Variants in DGKD observed in about 807,000 individuals in gnomAD.
DGKD encodes diacylglycerol kinase delta, also known as DAG kinase delta.
Under a neutral mutation model 154.4 loss-of-function variants are expected in DGKD, and 68 were observed. The observed-to-expected ratio is 0.44, with a 90% CI of 0.36 to 0.54. The LOEUF (loss-of-function observed/expected upper bound fraction) is 0.54. Among genes scored for constraint, DGKD ranks in the 20% least tolerant of loss-of-function variants. The pLI, the probability that DGKD is intolerant of heterozygous loss-of-function variation, is 0.00. For missense variants in DGKD, 1,343 were observed against 1,593.6 expected, an observed-to-expected ratio of 0.84 and a Z score of 2.68; for synonymous variants, 693 against 638.0, an observed-to-expected ratio of 1.09 and a Z score of -1.30.
intron 3 of DGKD, among the ~76,000 whole-genome samples, chr2:233,394,936 C>T (rs965399369): frequency 6.6e-6 from 1 of 151,880 alleles, no homozygotes; most frequent in African/African-American, 2.4e-5. Context: ...TAACTTCTGG[C>T]CCCAAGTGAT....
intron 10 of DGKD, 65 bp downstream of exon 10, chr2:233,442,060 C>G: frequency 7.5e-7 from 1 of 1,337,642 alleles, no homozygotes; most frequent in Non-Finnish European, 1.1e-6. Flanking sequence ...GGAAATCATG[C>G]AGTCTCAGCT....
intron 1 of DGKD, among the ~76,000 whole-genome samples, chr2:233,369,474 G>A (rs777917903): frequency 3.9e-5 from 6 of 152,146 alleles, no homozygotes; most frequent in African/African-American, 7.2e-5. Flanking sequence ...TAAAGGCCAC[G>A]TCTTCCTGCA....
Position 233,354,990 on chromosome 2 carries a change from C to G in DGKD, c.156+316C>G, listed in dbSNP as rs1701474601. On this transcript the variant is annotated intron_variant, in intron 1 of 29. Transcript: ENST00000264057. The surrounding 1 kb of genome is among the most constrained non-coding windows in gnomAD (Gnocchi z 4.8). ...GCGAGGACCCGGAGGAAACTGAGGCCTAGATGCAGGGGACTGCGCTCGTGC... is the reference window on the plus strand; with the variant it reads ...GCGAGGACCCGGAGGAAACTGAGGCGTAGATGCAGGGGACTGCGCTCGTGC... 6.6e-6 allele frequency among the ~76,000 whole-genome samples: 1 copy of G among 151,358 alleles called. No homozygotes were observed. Among genetic ancestry groups the G allele is most frequent in the South Asian group, 2.1e-4 (1 of 4,822 alleles).
At chr2:233,403,177 A>G (rs2061599478) in intron 3 of DGKD, among the ~76,000 whole-genome samples, 1 of 152,228 alleles carries the variant, frequency 6.6e-6, no homozygotes, top group South Asian at 2.1e-4. Context: ...CCTGCTTTCC[A>G]GGTACAAGTC....
At chr2:233,387,291 G>A (rs1453690957) in intron 1 of DGKD, among the ~76,000 whole-genome samples, 1 of 152,220 alleles carries the variant, frequency 6.6e-6, no homozygotes, top group Non-Finnish European at 1.5e-5. Flanking sequence ...CAATGTGCTT[G>A]TCTTTGAACA....
chr2:233,460,389 G>A lies in DGKD; in HGVS notation c.2981+44G>A, dbSNP rs199837058. ...GCGTTGCGCATGAGCCTCCCCCAGGGTCCCTGGGACTGCACTCTTCCAAGG... is the reference window on the plus strand; with the variant it reads ...GCGTTGCGCATGAGCCTCCCCCAGGATCCCTGGGACTGCACTCTTCCAAGG... On this transcript the variant is annotated intron_variant, in intron 24 of 29. Coordinates refer to ENST00000264057, the MANE Select transcript of DGKD (RefSeq NM_152879.3). 2.8e-5 allele frequency: 45 copies of A among 1,607,006 alleles called. 1 individual carries two copies. In the Admixed American group the frequency reaches 6.4e-4, roughly 23 times the overall value.
chr2:233,361,190 C>T (rs1335738793), intron 1 of DGKD, among the ~76,000 whole-genome samples: 1 of 152,132 alleles, frequency 6.6e-6, no homozygotes, highest in Non-Finnish European at 1.5e-5. Context: ...GACACCCTCC[C>T]CTCACAATTT....
At chr2:233,413,697 C>T (rs1204516814) in intron 3 of DGKD, among the ~76,000 whole-genome samples, 1 of 152,174 alleles carries the variant, frequency 6.6e-6, no homozygotes, top group Non-Finnish European at 1.5e-5. Flanking sequence ...GGGACCGTGT[C>T]GTCACTGTGC....
chr2:233,381,526 A>G (rs576455242), intron 1 of DGKD, among the ~76,000 whole-genome samples: 1 of 152,358 alleles, frequency 6.6e-6, no homozygotes, highest in South Asian at 2.1e-4. Flanking sequence ...TAAAGTGGGA[A>G]TATTACCACC....
chr2:233,398,194 G>C (rs572775034), intron 3 of DGKD, among the ~76,000 whole-genome samples: 12 of 150,070 alleles, frequency 8.0e-5, no homozygotes, highest in Non-Finnish European at 1.3e-4. Context: ...CCAGGCTGGA[G>C]TGCAGTGGTG....
intron 3 of DGKD, among the ~76,000 whole-genome samples, chr2:233,421,160 C>T (rs893158045): frequency 2.6e-5 from 4 of 152,124 alleles, no homozygotes; most frequent in Non-Finnish European, 5.9e-5. Context: ...TAATCGACAC[C>T]GTGCCCTCAG....
rs780702493 is a variant in DGKD, at chr2:233,438,178, G to A, written c.923-39G>A. 53 of 1,605,076 alleles carry A rather than the reference G, an allele frequency of 3.3e-5. No individual in the cohort carries two copies. Among genetic ancestry groups the A allele is most frequent in the Non-Finnish European group, 4.0e-5 (47 of 1,174,594 alleles). On this transcript the variant is annotated intron_variant, in intron 8 of 29. Coordinates refer to ENST00000264057, the MANE Select transcript of DGKD (RefSeq NM_152879.3). The surrounding 1 kb of genome is among the most constrained non-coding windows in gnomAD (Gnocchi z 4.1). Reference sequence around the variant, plus strand: ...ATCAGTGGTGCCCTCAGCGTCTTCCGTGGCCTATATATTTTCTTCTGTTCG... The same window carrying A: ...ATCAGTGGTGCCCTCAGCGTCTTCCATGGCCTATATATTTTCTTCTGTTCG...
chr2:233,354,795 G>A lies in DGKD; in HGVS notation c.156+121G>A, dbSNP rs1270660594. On this transcript the variant is annotated intron_variant, in intron 1 of 29. Coordinates refer to ENST00000264057, the MANE Select transcript of DGKD (RefSeq NM_152879.3). This position sits in a 1 kb window ranked among gnomAD's most constrained non-coding sequence, Gnocchi z 4.8. ...GGCTCGGCCCGGCCCGGGGTCCCGC[G>A]GGCGTCACCGCCCCTGTCGAGCGTG... The A allele has an allele frequency of 4.3e-6, 2 of 467,580 alleles. No individual in the cohort carries two copies. The highest frequency in any genetic ancestry group is 1.6e-4 in the East Asian group (1 of 6,320). 29.0% of individuals were successfully genotyped at this position (467,580 alleles called of 1,614,324 possible).
Position 233,458,612 on chromosome 2 carries a change from ATTT to A in DGKD, c.2694+230_2694+232del, listed in dbSNP as rs1181817947. ...TAAATTCTCAAGATAACTCTTTTTA[ATTT>A]TTTTTTTTTTTTTTGAGACAGAGTC... On this transcript the variant is annotated intron_variant, in intron 22 of 29. Transcript: ENST00000264057. This position sits in a 1 kb window ranked among gnomAD's most constrained non-coding sequence, Gnocchi z 6.6. 2.1e-5 allele frequency among the ~76,000 whole-genome samples: 3 copies of A among 140,074 alleles called. No homozygotes were observed. Among genetic ancestry groups the A allele is most frequent in the African/African-American group, 2.6e-5 (1 of 37,992 alleles). The allele number at this position is 140,074 out of a possible 152,430, so 91.9% of individuals were successfully genotyped here.
chr2:233,465,278 A>G (rs888453667), intron 27 of DGKD, among the ~76,000 whole-genome samples: 1 of 152,238 alleles, frequency 6.6e-6, no homozygotes, highest in Non-Finnish European at 1.5e-5. Context: ...AACAGATGTC[A>G]CAGTGACATA....
At chr2:233,362,645 CTG>C (rs1054221556) in intron 1 of DGKD, among the ~76,000 whole-genome samples, 1 of 152,114 alleles carries the variant, frequency 6.6e-6, no homozygotes, top group African/African-American at 2.4e-5. Context: ...GAGCGAAACT[CTG>C]TATTAAATAG....
intron 17 of DGKD, 101 bp downstream of exon 17, chr2:233,451,151 G>T (rs1208376380): frequency 8.1e-7 from 1 of 1,235,690 alleles, no homozygotes; most frequent in Admixed American, 2.5e-5. Flanking sequence ...GAGTTTACAG[G>T]CCCCTGAGAA....
At chr2:233,389,552 G>T (rs1451644454) in intron 2 of DGKD, among the ~76,000 whole-genome samples, 1 of 149,386 alleles carries the variant, frequency 6.7e-6, no homozygotes, top group African/African-American at 2.5e-5. Flanking sequence ...TTTAGAAAGG[G>T]TTCTGACCAC....
intron 25 of DGKD, 74 bp from the exon 26 acceptor site, chr2:233,462,569 A>C (rs1165031958): frequency 1.8e-5 from 28 of 1,537,322 alleles, no homozygotes; most frequent in Non-Finnish European, 2.3e-5. Flanking sequence ...CGGCCCTCCC[A>C]GTGCTTGTTC....
Sources: gnomAD v4.1 joint callset for allele counts (sites outside exome capture counted in the v4.1 genomes callset) on GRCh38, gnomAD v4.1.1 for gene constraint, Gnocchi (gnomAD v3.1) non-coding constraint, MANE v1.5 for transcripts, NCBI Gene and HGNC (gene_info 2026-07-23, HGNC 2026-07-21) for gene names.